NOD2: variants seen among roughly 807,000 people sequenced by gnomAD.
NOD2 encodes nucleotide-binding oligomerization domain-containing protein 2.
Under a neutral mutation model 90.9 loss-of-function variants are expected in NOD2, and 86 were observed. The observed-to-expected ratio is 0.95, with a 90% CI of 0.79 to 1.13. The LOEUF (loss-of-function observed/expected upper bound fraction) is 1.13, where lower values mean the gene tolerates loss of function less well. Ranked by LOEUF, NOD2 falls within the 50% of genes most tolerant of loss-of-function variation. The probability of loss-of-function intolerance (pLI) is 0.00; values close to 1 mark genes in which losing one functional copy is unlikely to be tolerated. For synonymous variants in NOD2, 581 were observed against 554.6 expected (o/e 1.05, Z -0.67); for missense variants, 1,238 against 1,283.8 (o/e 0.96, Z 0.55).
intron 2 of NOD2, among the ~76,000 whole-genome samples, chr16:50,705,619 A>C (rs576598258): frequency 6.6e-5 from 10 of 152,312 alleles, no homozygotes; most frequent in African/African-American, 1.7e-4. Flanking sequence ...TTCAGAAACC[A>C]CTTTGATTCA....
rs749166558 is a variant in NOD2, at chr16:50,712,024, G to T, written c.2032G>T (p.Ala678Ser). The T allele has an allele frequency of 6.2e-7, 1 of 1,613,122 alleles. No homozygotes were observed. Among genetic ancestry groups the T allele is most frequent in the Admixed American group, 1.7e-5 (1 of 60,014 alleles). ...TGAGAAGGCCCTGCTCCGGCGCCAGGCCTGTGCCCGCTGGTGTCTGGCCCG... is the reference window on the plus strand; with the variant it reads ...TGAGAAGGCCCTGCTCCGGCGCCAGTCCTGTGCCCGCTGGTGTCTGGCCCG... ...TSEKALLRRQ[A>S]CARWCLARSL... Residue 678 changes from alanine to serine, a missense_variant, in exon 4 of 12, where the codon GCC becomes TCC. Ala to Ser is a moderately conservative substitution (Grantham distance 99). This residue lies in a region of NOD2 where 667 missense variants were observed against 688.7 expected (regional missense o/e 0.97). Transcript: ENST00000647318.
At chr16:50,696,177 G>A (rs5743259) in intron 1 of NOD2, among the ~76,000 whole-genome samples, 11 of 152,332 alleles carry the variant, frequency 7.2e-5, no homozygotes, top group Non-Finnish European at 1.3e-4. Flanking sequence ...TCTGCAAGGG[G>A]TCAGTGGGCT....
chr16:50,731,550 C>A (rs1019285283), intron 11 of NOD2, among the ~76,000 whole-genome samples, 197 bp from the exon 12 acceptor site: 1 of 152,114 alleles, frequency 6.6e-6, no homozygotes, highest in African/African-American at 2.4e-5. Context: ...AGTCATGGAG[C>A]CTTGTTCAGA....
At chr16:50,717,725 T>C (rs1432846885) in intron 6 of NOD2, among the ~76,000 whole-genome samples, 1 of 152,218 alleles carries the variant, frequency 6.6e-6, no homozygotes, top group Non-Finnish European at 1.5e-5. Flanking sequence ...GGTGCCAATT[T>C]GTACAAAGGA....
Position 50,710,887 on chromosome 16 carries a change from C to A in NOD2, c.895C>A (p.Leu299Ile), listed in dbSNP as rs1596862481. The A allele has an allele frequency of 1.9e-6, 3 of 1,614,188 alleles. No individual in the cohort carries two copies. Among genetic ancestry groups the A allele is most frequent in the Non-Finnish European group, 1.7e-6 (2 of 1,180,032 alleles). Reference protein sequence around the residue: ...WAAGQDFQEFLFVFPFSCRQL... With the variant: ...WAAGQDFQEFIFVFPFSCRQL... ...TGCAGGGCAAGACTTCCAGGAATTT[C>A]TCTTTGTCTTCCCATTCAGCTGCCG... Residue 299 changes from leucine (L) to isoleucine (I), a missense_variant, in exon 4 of 12, where the codon CTC becomes ATC. Leu to Ile is a conservative substitution (Grantham distance 5). Transcript: ENST00000647318.
rs145244357 is a variant in NOD2, at chr16:50,730,876, C to T, written c.2970-871C>T. ...CTCAAAAAGCACATCAAGGCTGCAGCGAATGCAGATATCAAATGATGAAGT... is the reference window on the plus strand; with the variant it reads ...CTCAAAAAGCACATCAAGGCTGCAGTGAATGCAGATATCAAATGATGAAGT... On this transcript the variant is annotated intron_variant, in intron 11 of 11. Transcript: ENST00000647318. 2.5e-3 allele frequency among the ~76,000 whole-genome samples: 384 copies of T among 152,250 alleles called. 1 individual carries two copies. The highest frequency in any genetic ancestry group is 4.5e-3 in the Non-Finnish European group (304 of 68,028).
At chr16:50,715,960 A>G (rs1247454983) in intron 4 of NOD2, among the ~76,000 whole-genome samples, 1 of 152,166 alleles carries the variant, frequency 6.6e-6, no homozygotes, top group Non-Finnish European at 1.5e-5. Context: ...CTTTTAGGGA[A>G]GCTTTCAGAT....
At chr16:50,709,249 C>T (rs1418264248) in intron 3 of NOD2, among the ~76,000 whole-genome samples, 2 of 152,168 alleles carry the variant, frequency 1.3e-5, no homozygotes, top group Admixed American at 6.5e-5. Flanking sequence ...ACAGAGGTGA[C>T]ATAAACACAG....
chr16:50,699,713 G>C lies in NOD2; in HGVS notation c.218G>C (p.Cys73Ser). 1 of 1,614,156 alleles carries C rather than the reference G, an allele frequency of 6.2e-7. No homozygotes were observed. Among genetic ancestry groups the C allele is most frequent in the South Asian group, 1.1e-5 (1 of 91,078 alleles). Residue 73 changes from cysteine to serine, a missense_variant, in exon 2 of 12, where the codon TGT (cysteine) becomes TCT (serine). Coordinates refer to ENST00000647318, the MANE Select transcript of NOD2 (RefSeq NM_001370466.1). ...GTCTGGAATAAGGGTACTTGGGCCT[G>C]TCAGAAGCTCATCGCGGCTGCCCAA... is the stretch of plus-strand genomic sequence containing the variant. ...DTVWNKGTWA[C>S]QKLIAAAQEA...
chr16:50,718,856 G>A (rs770930353), intron 6 of NOD2, among the ~76,000 whole-genome samples: 8 of 152,282 alleles, frequency 5.3e-5, no homozygotes, highest in African/African-American at 1.4e-4. Context: ...ATGTGAGTCC[G>A]GTCCTCCAAG....
intron 10 of NOD2, chr16:50,727,801 T>G: frequency 2.9e-6 from 1 of 350,150 alleles, no homozygotes; most frequent in Non-Finnish European, 5.6e-6. Flanking sequence ...TCTCATTGAC[T>G]TGCCGAGCAT....
chr16:50,705,408 C>T (rs1479129867), intron 2 of NOD2, among the ~76,000 whole-genome samples: 1 of 152,154 alleles, frequency 6.6e-6, no homozygotes, highest in South Asian at 2.1e-4. Context: ...GCTCATGATA[C>T]TCTTTGGTTT....
chr16:50,724,491 A>G (rs574483192), intron 9 of NOD2, among the ~76,000 whole-genome samples: 9 of 152,244 alleles, frequency 5.9e-5, no homozygotes, highest in Non-Finnish European at 1.2e-4. Flanking sequence ...GGCAAGCAGT[A>G]TCTATAGACA....
At chr16:50,726,567 T>C (rs1965272928) in intron 10 of NOD2, among the ~76,000 whole-genome samples, 1 of 152,212 alleles carries the variant, frequency 6.6e-6, no homozygotes, top group African/African-American at 2.4e-5. Flanking sequence ...AGCTTTGCAC[T>C]GAGGGTCGGC....
At chr16:50,726,372 G>C (rs1407034630) in intron 10 of NOD2, among the ~76,000 whole-genome samples, 2 of 152,252 alleles carry the variant, frequency 1.3e-5, no homozygotes, top group Non-Finnish European at 2.9e-5. Context: ...CAGACAGACA[G>C]ACAGCTGCCT....
At chr16:50,708,610 A>C (rs980956785) in intron 3 of NOD2, among the ~76,000 whole-genome samples, 1 of 152,178 alleles carries the variant, frequency 6.6e-6, no homozygotes, top group African/African-American at 2.4e-5. Context: ...GTCCCCACCT[A>C]CACTTTCTCT....
chr16:50,712,010 T>G lies in NOD2; in HGVS notation c.2018T>G (p.Leu673Arg). The G allele has an allele frequency of 6.2e-7, 1 of 1,613,228 alleles. No individual in the cohort carries two copies. Among genetic ancestry groups the G allele is most frequent in the South Asian group, 1.1e-5 (1 of 91,064 alleles). The change falls in exon 4 of 12, where the codon CTG becomes CGG. Residue 673 changes from leucine (L) to arginine (R), a missense_variant. Transcript: ENST00000647318. ...LAECQTSEKA[L>R]LRRQACARWC... ...GAGTGCCAGACATCTGAGAAGGCCCTGCTCCGGCGCCAGGCCTGTGCCCGC... is the reference window on the plus strand; with the variant it reads ...GAGTGCCAGACATCTGAGAAGGCCCGGCTCCGGCGCCAGGCCTGTGCCCGC...
chr16:50,725,760 A>G (rs1236294122), intron 10 of NOD2, among the ~76,000 whole-genome samples, 188 bp downstream of exon 10: 1 of 152,150 alleles, frequency 6.6e-6, no homozygotes, highest in Non-Finnish European at 1.5e-5. Context: ...GTCCCAGTAA[A>G]TGCTGATAGG....
At chr16:50,699,441 A>T in intron 1 of NOD2, 47 bp from the exon 2 acceptor site, 1 of 1,564,722 alleles carries the variant, frequency 6.4e-7, no homozygotes, top group Non-Finnish European at 8.8e-7. Context: ...ACCACCCTGC[A>T]TCTGGCTTCT....
Sources: allele counts gnomAD v4.1 joint callset (sites outside exome capture counted in the v4.1 genomes callset), GRCh38; gene constraint gnomAD v4.1.1; regional missense constraint gnomAD v4.1.1; transcripts MANE v1.5; gene names NCBI Gene and HGNC (gene_info 2026-07-23, HGNC 2026-07-21).